GRIA4: variants seen among roughly 807,000 people sequenced by gnomAD.
GRIA4 encodes the protein glutamate ionotropic receptor AMPA type subunit 4, also known as glutamate receptor 4.
A neutral mutation model predicts 104.0 loss-of-function variants in GRIA4; 34 were observed. That is an observed-to-expected ratio of 0.33 (90% CI 0.25 to 0.44). The LOEUF is 0.44. GRIA4 is among the 20% of genes least tolerant of loss of function. The pLI is 1.00. For synonymous variants in GRIA4, 386 were observed against 381.9 expected (o/e 1.01, Z -0.13); for missense variants, 750 against 1,096.5 (o/e 0.68, Z 4.46).
intron 4 of GRIA4, among the ~76,000 whole-genome samples, chr11:105,781,760 G>A (rs911601508): frequency 2.0e-5 from 3 of 152,118 alleles, no homozygotes; most frequent in Non-Finnish European, 4.4e-5. Context: ...TACTTTTAAA[G>A]TTATAGTGAA....
intron 4 of GRIA4, among the ~76,000 whole-genome samples, chr11:105,759,295 C>G (rs1434244210): frequency 4.6e-5 from 7 of 151,974 alleles, no homozygotes. Flanking sequence ...AGATTTAAAC[C>G]TTCATGCACA....
At chr11:105,872,781 T>C (rs972610591) in intron 5 of GRIA4, among the ~76,000 whole-genome samples, 10 of 152,236 alleles carry the variant, frequency 6.6e-5, no homozygotes, top group South Asian at 2.1e-4. Context: ...TTTGGAATTA[T>C]CATGTTCAAA....
chr11:105,713,932 G>A (rs1167176336), intron 3 of GRIA4, among the ~76,000 whole-genome samples: 1 of 152,114 alleles, frequency 6.6e-6, no homozygotes, highest in Non-Finnish European at 1.5e-5. Flanking sequence ...GACCTTCAGC[G>A]GCTCTTCAGT....
At chr11:105,645,189 C>T (rs1951490959) in intron 3 of GRIA4, among the ~76,000 whole-genome samples, 1 of 152,188 alleles carries the variant, frequency 6.6e-6, no homozygotes, top group South Asian at 2.1e-4. Context: ...AGAGATAAAC[C>T]TTGTAGCTGC....
rs777743984 is a variant in GRIA4, at chr11:105,862,089, T to C, written c.553T>C (p.Cys185Arg). ...AAATGGTTGGCATGTCAGCGCTATA[T>C]GTGTGGAAAATTTTAATGATGTCAG... ...GQNGWHVSAI[C>R]VENFNDVSYR... The change falls in exon 5 of 17, where the codon TGT becomes CGT. Residue 185 changes from cysteine (C) to arginine (R), a missense_variant. Cys to Arg is a radical substitution (Grantham distance 180). Around this residue, in one of 3 missense-constraint regions of GRIA4, gnomAD observed 410 missense variants for 502.7 expected, o/e 0.82. Transcript: ENST00000282499. 4 of 1,611,338 alleles carry C rather than the reference T, an allele frequency of 2.5e-6. No homozygotes were observed. In the Admixed American group the frequency reaches 6.7e-5, roughly 27 times the overall value.
rs1952384065 is a variant in GRIA4, at chr11:105,671,827, T to C, written c.247+59393T>C. ...CGTTCTATTCCATTCTTACAGTTGA[T>C]ATTTAGGCTGTCTGTTAAAAATGTA... On this transcript the variant is annotated intron_variant, in intron 3 of 16. Transcript: ENST00000282499. Among the ~76,000 whole-genome samples, 3 of 152,146 alleles carry C rather than the reference T, an allele frequency of 2.0e-5. No individual in the cohort carries two copies. The East Asian group carries it at 5.8e-4, about 29-fold the overall frequency.
At chr11:105,882,413 A>G (rs1946099713) in intron 5 of GRIA4, among the ~76,000 whole-genome samples, 1 of 152,190 alleles carries the variant, frequency 6.6e-6, no homozygotes, top group Non-Finnish European at 1.5e-5. Flanking sequence ...ACTCCTGAGT[A>G]CTTTATAAAC....
At chr11:105,678,265 T>C (rs2135457816) in intron 3 of GRIA4, among the ~76,000 whole-genome samples, 1 of 152,164 alleles carries the variant, frequency 6.6e-6, no homozygotes, top group East Asian at 1.9e-4. Flanking sequence ...GGCCCAATTA[T>C]GCCCCTACTT....
chr11:105,944,420 T>C (rs534543464), intron 14 of GRIA4, among the ~76,000 whole-genome samples: 6 of 152,234 alleles, frequency 3.9e-5, no homozygotes, highest in East Asian at 3.9e-4. Context: ...ATTCAATCAA[T>C]TGTCTGGTAT....
In GRIA4 at chr11:105,933,840, T is replaced by C; in HGVS notation, c.2165T>C (p.Phe722Ser). ...VARVRKSKGK[F>S]AFLLESTMNE... is the part of the protein sequence containing the mutation. The stretch of plus-strand genomic sequence containing the variant: ...CGTGTCCGCAAATCCAAGGGCAAAT[T>C]TGCCTTTCTCCTGGAGTCCACTATG... Residue 722 changes from phenylalanine (F) to serine (S), a missense_variant, in exon 14 of 17, where the codon TTT becomes TCT. Phe to Ser is a radical substitution (Grantham distance 155). Transcript: ENST00000282499. 1 of 1,613,628 alleles carries C rather than the reference T, an allele frequency of 6.2e-7. No homozygotes were observed. Among genetic ancestry groups the C allele is most frequent in the Non-Finnish European group, 8.5e-7 (1 of 1,179,740 alleles).
At chr11:105,841,903 AC>A (rs1188099801) in intron 4 of GRIA4, among the ~76,000 whole-genome samples, 1 of 152,258 alleles carries the variant, frequency 6.6e-6, no homozygotes, top group Non-Finnish European at 1.5e-5. Flanking sequence ...GCTAATAGGA[AC>A]ACAAACAACT....
rs191644742 is a variant in GRIA4, at chr11:105,870,086, A to C, written c.672+7878A>C. Among the ~76,000 whole-genome samples, 274 of 152,040 alleles carry C rather than the reference A, an allele frequency of 1.8e-3. 1 individual carries two copies. The highest frequency in any genetic ancestry group is 6.4e-3 in the African/African-American group (267 of 41,522). On this transcript the variant is annotated intron_variant, in intron 5 of 16. Transcript: ENST00000282499. ...GAGTTCTATTATTCATCCAAAGTCTAGACATAATTTGCTTCCGTATTTGAC... is the reference window on the plus strand; with the variant it reads ...GAGTTCTATTATTCATCCAAAGTCTCGACATAATTTGCTTCCGTATTTGAC...
intron 9 of GRIA4, among the ~76,000 whole-genome samples, 186 bp from the exon 10 acceptor site, chr11:105,910,249 T>C (rs1389486331): frequency 6.6e-6 from 1 of 152,080 alleles, no homozygotes; most frequent in Non-Finnish European, 1.5e-5. Flanking sequence ...GGATCCTTAA[T>C]ACCAGGAAAA....
chr11:105,699,230 C>T (rs1242841588), intron 3 of GRIA4, among the ~76,000 whole-genome samples: 2 of 152,128 alleles, frequency 1.3e-5, no homozygotes, highest in African/African-American at 4.8e-5. Flanking sequence ...GTGCTATGTG[C>T]TGCAAATAGA....
At chr11:105,819,330 C>T (rs751437861) in intron 4 of GRIA4, among the ~76,000 whole-genome samples, 6 of 152,132 alleles carry the variant, frequency 3.9e-5, no homozygotes, top group Non-Finnish European at 8.8e-5. Context: ...TCTGTACCTC[C>T]ATTTCCTCAT....
chr11:105,841,556 G>T (rs1020531802), intron 4 of GRIA4, among the ~76,000 whole-genome samples: 14 of 152,060 alleles, frequency 9.2e-5, no homozygotes, highest in African/African-American at 3.1e-4. Flanking sequence ...ATTTGAAAAA[G>T]AGTTTTTTAT....
intron 4 of GRIA4, among the ~76,000 whole-genome samples, chr11:105,847,395 T>C (rs1033954334): frequency 6.6e-6 from 1 of 152,160 alleles, no homozygotes; most frequent in Non-Finnish European, 1.5e-5. Context: ...AGATCACGGG[T>C]TGGGGACCTC....
rs376828721 is a variant in GRIA4 at position 105,935,189 on chromosome 11, G to T, written c.2294+1220G>T. ...AGGTTGTGTTAAACCAATATATTGT[G>T]TTTGCAAGCAACAGTGTAATAATTA... On this transcript the variant is annotated intron_variant, in intron 14 of 16. Transcript: ENST00000282499. Among the ~76,000 whole-genome samples the T allele has an allele frequency of 1.4e-4, 21 of 152,276 alleles. 2 individuals are homozygous for T. The South Asian group carries it at 4.4e-3, about 32-fold the overall frequency.
intron 5 of GRIA4, among the ~76,000 whole-genome samples, chr11:105,874,395 T>C (rs1468731267): frequency 6.6e-6 from 1 of 152,236 alleles, no homozygotes; most frequent in Non-Finnish European, 1.5e-5. Flanking sequence ...GTCTTGGCTA[T>C]ACAGCCTCTT....
Sources: allele counts gnomAD v4.1 joint callset (sites outside exome capture counted in the v4.1 genomes callset), GRCh38; gene constraint gnomAD v4.1.1; regional missense constraint gnomAD v4.1.1; transcripts MANE v1.5; gene names NCBI Gene and HGNC (gene_info 2026-07-23, HGNC 2026-07-21).